Variants in KALRN observed in about 807,000 individuals in gnomAD.
KALRN encodes the protein kalirin.
In KALRN, 70 loss-of-function variants were observed where a neutral mutation model predicts 353.7. The observed-to-expected ratio is 0.20, with a 90% CI of 0.16 to 0.24. The LOEUF is 0.24. Ranked by LOEUF, KALRN falls within the 10% of genes least tolerant of loss-of-function variation. The pLI, the probability that KALRN is intolerant of heterozygous loss-of-function variation, is 1.00. For missense variants in KALRN, 2,791 were observed against 3,756.7 expected, an observed-to-expected ratio of 0.74 and a Z score of 6.72; for synonymous variants, 1,391 against 1,434.8, an observed-to-expected ratio of 0.97 and a Z score of 0.69.
intron 8 of KALRN, among the ~76,000 whole-genome samples, chr3:124,333,011 A>G (rs945612524): frequency 1.3e-5 from 2 of 152,200 alleles, no homozygotes; most frequent in South Asian, 4.1e-4. Context: ...TCACATGGCC[A>G]TGGAGGCCTC....
chr3:124,404,153 G>GAAAAAAAA (rs66603520), intron 13 of KALRN, among the ~76,000 whole-genome samples: 5,389 of 123,302 alleles, frequency 0.044, 367 homozygotes, highest in African/African-American at 0.13. Flanking sequence ...CTGCTCTCTG[G>GAAAAAAAA]AAAAAAAAAA....
intron 23 of KALRN, among the ~76,000 whole-genome samples, chr3:124,458,766 TA>T (rs201045557): frequency 0.012 from 1,823 of 148,654 alleles, 32 homozygotes; most frequent in African/African-American, 0.042. Context: ...CTGTCTTTGC[TA>T]AAAAAAAAAT....
intron 1 of KALRN, among the ~76,000 whole-genome samples, chr3:124,156,066 G>A (rs1462547617): frequency 6.6e-6 from 1 of 152,120 alleles, no homozygotes; most frequent in African/African-American, 2.4e-5. Flanking sequence ...CAACTCTCTG[G>A]CCAAGCCCTC....
At chr3:124,630,380 GTGTT>G (rs140992996) in intron 34 of KALRN, among the ~76,000 whole-genome samples, 4,528 of 150,050 alleles carry the variant, frequency 0.03, 108 homozygotes, top group East Asian at 0.1. Flanking sequence ...AGGCCCAGTA[GTGTT>G]TGTTTGTTTG....
intron 2 of KALRN, among the ~76,000 whole-genome samples, chr3:124,230,520 A>C (rs2079023832): frequency 6.6e-6 from 1 of 152,186 alleles, no homozygotes; most frequent in Non-Finnish European, 1.5e-5. Context: ...AGAGCCTCAG[A>C]AAAAAACCTT....
intron 13 of KALRN, among the ~76,000 whole-genome samples, chr3:124,409,610 T>A (rs997245557): frequency 6.6e-6 from 1 of 152,176 alleles, no homozygotes; most frequent in African/African-American, 2.4e-5. Flanking sequence ...GTAAACCATC[T>A]GACTGGTTCA....
chr3:124,560,210 TC>T (rs2071795951), intron 33 of KALRN, among the ~76,000 whole-genome samples: 1 of 152,254 alleles, frequency 6.6e-6, no homozygotes, highest in African/African-American at 2.4e-5. Context: ...TCAGGCCCCT[TC>T]TGCTCTAACA....
At chr3:124,293,150 C>G (rs1302973949) in intron 5 of KALRN, among the ~76,000 whole-genome samples, 1 of 152,178 alleles carries the variant, frequency 6.6e-6, no homozygotes, top group East Asian at 1.9e-4. Context: ...GTAGTGTACA[C>G]AGGGTATAGT....
intron 10 of KALRN, among the ~76,000 whole-genome samples, chr3:124,378,725 T>C (rs2086921620): frequency 6.6e-6 from 1 of 151,934 alleles, no homozygotes; most frequent in Non-Finnish European, 1.5e-5. Context: ...TTTTAGTACT[T>C]TAAAGATGTT....
chr3:124,448,818 G>C (rs2058491699), intron 21 of KALRN, among the ~76,000 whole-genome samples: 1 of 152,146 alleles, frequency 6.6e-6, no homozygotes, highest in Non-Finnish European at 1.5e-5. Flanking sequence ...TATTCATTTT[G>C]AGTTCCCTAG....
chr3:124,367,064 A>AC (rs531419025), intron 10 of KALRN, among the ~76,000 whole-genome samples: 476 of 107,346 alleles, frequency 4.4e-3, no homozygotes, highest in Admixed American at 0.023. Flanking sequence ...CGGGGGGCTG[A>AC]CCCCCCCACC....
intron 32 of KALRN, among the ~76,000 whole-genome samples, chr3:124,495,988 T>TATATATATAC (rs2063750985): frequency 1.9e-5 from 1 of 53,722 alleles, no homozygotes; most frequent in Non-Finnish European, 3.2e-5. Context: ...TATATATATA[T>TATATATATAC]ATATATATAT....
chr3:124,446,069 T>C, intron 19 of KALRN, 92 bp from the exon 20 acceptor site: 2 of 723,164 alleles, frequency 2.8e-6, no homozygotes, highest in Admixed American at 2.3e-5. Context: ...ATCACAGTCA[T>C]GGTCACCTGG....
At chr3:124,347,057 G>T in intron 9 of KALRN, 86 bp from the exon 10 acceptor site, 3 of 1,590,746 alleles carry the variant, frequency 1.9e-6, no homozygotes, top group Non-Finnish European at 2.6e-6. Context: ...ATATAGGGGT[G>T]GTTAGGACTC....
intron 1 of KALRN, among the ~76,000 whole-genome samples, chr3:124,072,101 G>C (rs1452061410): frequency 6.6e-6 from 1 of 152,186 alleles, no homozygotes; most frequent in South Asian, 2.1e-4. Flanking sequence ...TCCATGGGCT[G>C]TTGACACCAG....
At chr3:124,283,883 CTTG>C (rs756479976) in intron 5 of KALRN, among the ~76,000 whole-genome samples, 2 of 152,164 alleles carry the variant, frequency 1.3e-5, no homozygotes, top group East Asian at 1.9e-4. Flanking sequence ...ACAGCAACTA[CTTG>C]TTGTGACTGC....
At chr3:124,617,133 G>A (rs1446097180) in intron 34 of KALRN, among the ~76,000 whole-genome samples, 2 of 151,830 alleles carry the variant, frequency 1.3e-5, no homozygotes, top group African/African-American at 4.8e-5. Flanking sequence ...GGAGTTTGAG[G>A]CCAATCTGGG....
At position 124,473,209 on chromosome 3, in the gene KALRN, A is replaced by C. The variant is rs527320129; in HGVS notation, c.4032-1454A>C. ...AATCCATAACCACTTGTAATTAATT[A>C]TACTGCCAAAATGCGTGGACAATAG... On this transcript the variant is annotated intron_variant, in intron 25 of 59. Transcript: ENST00000682506. Among the ~76,000 whole-genome samples, 3 of 152,354 alleles carry C rather than the reference A, an allele frequency of 2.0e-5. No homozygotes were observed. The South Asian group carries it at 6.2e-4, about 32-fold the overall frequency.
chr3:124,329,840 C>A, intron 7 of KALRN, 21 bp from the exon 8 acceptor site: 1 of 1,609,546 alleles, frequency 6.2e-7, no homozygotes, highest in Non-Finnish European at 8.5e-7. Context: ...CCCCACTGAT[C>A]CACCCTGCAT....
Sources: allele counts gnomAD v4.1 joint callset (sites outside exome capture counted in the v4.1 genomes callset), GRCh38; gene constraint gnomAD v4.1.1; transcripts MANE v1.5; gene names NCBI Gene and HGNC (gene_info 2026-07-23, HGNC 2026-07-21).